PKIB: variants seen among roughly 807,000 people sequenced by gnomAD.
PKIB encodes PKI-beta.
A neutral mutation model predicts 4.5 loss-of-function variants in PKIB; 2 were observed. The observed-to-expected ratio is 0.44, with a 90% CI of 0.18 to 1.39. The LOEUF (loss-of-function observed/expected upper bound fraction) is 1.39. Among genes scored for constraint, PKIB ranks in the 40% most tolerant of loss-of-function variants. PKIB has a pLI of 0.27. For synonymous variants in PKIB, 38 were observed against 36.0 expected (o/e 1.06, Z -0.20); for missense variants, 94 against 92.6 (o/e 1.02, Z -0.06).
intron 2 of PKIB, among the ~76,000 whole-genome samples, chr6:122,655,781 T>C (rs916495926): frequency 2.0e-5 from 3 of 152,180 alleles, no homozygotes; most frequent in South Asian, 4.1e-4. Flanking sequence ...TTTTAAAAAA[T>C]TGGATAGCCT....
intron 4 of PKIB, among the ~76,000 whole-genome samples, chr6:122,722,702 A>G (rs1779791038): frequency 6.6e-6 from 1 of 152,186 alleles, no homozygotes; most frequent in South Asian, 2.1e-4. Context: ...CTGCCATGTT[A>G]ATTAGAAGGC....
chr6:122,665,777 T>C, intron 2 of PKIB, among the ~76,000 whole-genome samples: 1 of 152,084 alleles, frequency 6.6e-6, no homozygotes, highest in East Asian at 1.9e-4. Context: ...TATTTAGAGG[T>C]AATTGTTTTT....
At chr6:122,476,931 C>T (rs1056920072) in intron 1 of PKIB, among the ~76,000 whole-genome samples, 24 of 152,092 alleles carry the variant, frequency 1.6e-4, no homozygotes, top group Admixed American at 3.9e-4. Context: ...TTTTTGAATT[C>T]TTATTAAACA....
intron 1 of PKIB, among the ~76,000 whole-genome samples, chr6:122,622,130 C>T (rs1051907748): frequency 5.9e-5 from 9 of 152,028 alleles, no homozygotes; most frequent in African/African-American, 1.4e-4. Flanking sequence ...TACTTAAACA[C>T]GAGTTATGTG....
chr6:122,691,573 T>C (rs1157359788), intron 3 of PKIB, among the ~76,000 whole-genome samples: 1 of 152,008 alleles, frequency 6.6e-6, no homozygotes, highest in Non-Finnish European at 1.5e-5. Flanking sequence ...ATTTAACCGA[T>C]AGAATTCTGA....
intron 3 of PKIB, among the ~76,000 whole-genome samples, chr6:122,675,892 A>G (rs1484252350): frequency 6.6e-6 from 1 of 152,122 alleles, no homozygotes; most frequent in African/African-American, 2.4e-5. Flanking sequence ...ATTTAAGAAC[A>G]CAGAGTTGAT....
intron 2 of PKIB, among the ~76,000 whole-genome samples, chr6:122,576,807 T>TAC (rs1773556795): frequency 6.7e-6 from 1 of 150,346 alleles, no homozygotes; most frequent in South Asian, 2.1e-4. Flanking sequence ...TTGTTAGGCA[T>TAC]ATGTGTATTA....
intron 2 of PKIB, among the ~76,000 whole-genome samples, chr6:122,562,087 A>G (rs1456149554): frequency 7.8e-6 from 1 of 127,412 alleles, no homozygotes; most frequent in African/African-American, 3.0e-5. Flanking sequence ...TTCTGTTTTG[A>G]TGTGTTCCCA....
At chr6:122,698,853 G>T (rs1778683276) in intron 3 of PKIB, among the ~76,000 whole-genome samples, 1 of 152,150 alleles carries the variant, frequency 6.6e-6, no homozygotes, top group Non-Finnish European at 1.5e-5. Context: ...TACTGAGAGG[G>T]TTAATACCTG....
At chr6:122,541,198 G>T (rs1777585955) in intron 2 of PKIB, among the ~76,000 whole-genome samples, 1 of 152,030 alleles carries the variant, frequency 6.6e-6, no homozygotes, top group Admixed American at 6.6e-5. Flanking sequence ...AGTTAATACT[G>T]TTATTTGTGA....
At chr6:122,505,425 CATT>C (rs1295916894) in intron 2 of PKIB, among the ~76,000 whole-genome samples, 1 of 152,086 alleles carries the variant, frequency 6.6e-6, no homozygotes, top group Non-Finnish European at 1.5e-5. Flanking sequence ...TTAAAACTGT[CATT>C]GTTATTATGG....
chr6:122,481,898 G>A (rs1775621792), intron 2 of PKIB: 1 of 151,728 alleles, frequency 6.6e-6, no homozygotes, highest in Non-Finnish European at 1.5e-5. Flanking sequence ...TCAACACCCA[G>A]GGTTTTTGTA....
At chr6:122,599,838 A>C (rs184929284) in intron 3 of PKIB, among the ~76,000 whole-genome samples, 1 of 152,124 alleles carries the variant, frequency 6.6e-6, no homozygotes, top group Admixed American at 6.5e-5. Flanking sequence ...GGGTCTAATC[A>C]TATTAAGCAG....
At chr6:122,677,454 T>C (rs1474121027) in intron 3 of PKIB, among the ~76,000 whole-genome samples, 5 of 152,210 alleles carry the variant, frequency 3.3e-5, no homozygotes, top group African/African-American at 7.2e-5. Flanking sequence ...CATATATGGA[T>C]GAGGGGTTGT....
chr6:122,570,813 A>G (rs1255526293), intron 2 of PKIB, among the ~76,000 whole-genome samples: 5 of 152,210 alleles, frequency 3.3e-5, no homozygotes, highest in African/African-American at 1.2e-4. Flanking sequence ...AAAAGGAACC[A>G]GAAAAGTAAT....
At chr6:122,672,524 C>A (rs909491752) in intron 2 of PKIB, among the ~76,000 whole-genome samples, 18 of 152,120 alleles carry the variant, frequency 1.2e-4, no homozygotes, top group African/African-American at 3.6e-4. Context: ...GTTGATATGT[C>A]TTAGCTTCCA....
At chr6:122,616,268 A>G (rs17084655) in intron 1 of PKIB, among the ~76,000 whole-genome samples, 19,727 of 152,200 alleles carry the variant, frequency 0.13, 1,562 homozygotes, top group South Asian at 0.27. Flanking sequence ...ATGATCAACA[A>G]GTCATAGACA....
chr6:122,670,330 C>A (rs994707408), intron 2 of PKIB, among the ~76,000 whole-genome samples: 1 of 151,990 alleles, frequency 6.6e-6, no homozygotes, highest in African/African-American at 2.4e-5. Flanking sequence ...TAGCAGCCAG[C>A]CAGCAGTATT....
At chr6:122,609,912 G>A (rs183912609), upstream of PKIB, among the ~76,000 whole-genome samples, 26 of 152,266 alleles carry the variant, frequency 1.7e-4, no homozygotes, top group East Asian at 3.5e-3. Flanking sequence ...GATTCGGGGC[G>A]TAGATAAGCC....
Sources: allele counts gnomAD v4.1 joint callset (sites outside exome capture counted in the v4.1 genomes callset), GRCh38; gene constraint gnomAD v4.1.1; transcripts MANE v1.5; gene names NCBI Gene and HGNC (gene_info 2026-07-23, HGNC 2026-07-21).